GLOD4: variants seen among roughly 807,000 people sequenced by gnomAD.
GLOD4 encodes glyoxalase domain containing 4, also known as glyoxalase domain-containing protein 4.
GLOD4 carries 44 observed loss-of-function variants against 39.1 expected under a neutral mutation model. The ratio of observed to expected loss-of-function variants is 1.13; its 90% CI spans 0.88 to 1.45. The LOEUF is 1.45. Among genes scored for constraint, GLOD4 ranks in the 40% most tolerant of loss-of-function variants. The pLI, the probability that GLOD4 is intolerant of heterozygous loss-of-function variation, is 0.00. For synonymous variants in GLOD4, 145 were observed against 135.0 expected (o/e 1.07, Z -0.52); for missense variants, 405 against 366.4 (o/e 1.11, Z -0.86).
intron 2 of GLOD4, 72 bp from the exon 3 acceptor site, chr17:777,060 G>A (rs1244955639): frequency 1.0e-5 from 15 of 1,432,192 alleles, no homozygotes; most frequent in Admixed American, 1.0e-4. Context: ...GAGAACTACT[G>A]GGCACAGAGA....
chr17:761,508 T>C (rs1905423665), intron 8 of GLOD4, among the ~76,000 whole-genome samples: 1 of 151,282 alleles, frequency 6.6e-6, no homozygotes, highest in Non-Finnish European at 1.5e-5. Context: ...CTAAGAAAGC[T>C]TTTTTTCTTT....
chr17:772,664 C>A lies in GLOD4; in HGVS notation c.407-1203G>T, dbSNP rs994252165. On this transcript the variant is annotated intron_variant, in intron 4 of 8. Transcript: ENST00000301329. The stretch of plus-strand genomic sequence containing the variant: ...TAGGCAAAAGGCACAAAGCAATAAT[C>A]CACAAAACAAGGAATTAGAATGGTC... Among the ~76,000 whole-genome samples the A allele has an allele frequency of 6.6e-5, 10 of 152,168 alleles. No homozygotes were observed. The South Asian group carries it at 2.1e-3, about 32-fold the overall frequency.
intron 4 of GLOD4, among the ~76,000 whole-genome samples, chr17:772,187 GAAAAAAAAA>G (rs58914913): frequency 2.0e-5 from 1 of 50,856 alleles, no homozygotes; most frequent in Non-Finnish European, 3.4e-5. Flanking sequence ...ACCCTATCTC[GAAAAAAAAA>G]AAAAAAAAAA....
intron 3 of GLOD4, 26 bp from the exon 4 acceptor site, chr17:775,945 G>A (rs759803686): frequency 3.0e-5 from 48 of 1,599,324 alleles, no homozygotes; most frequent in Middle Eastern, 3.3e-4. Flanking sequence ...GTACATCCAA[G>A]TACATGATCA....
intron 8 of GLOD4, among the ~76,000 whole-genome samples, chr17:760,870 T>G (rs1185640328): frequency 6.6e-6 from 1 of 152,226 alleles, no homozygotes; most frequent in Non-Finnish European, 1.5e-5. Flanking sequence ...GAGGATCACG[T>G]GAGCTCAGGA....
upstream of GLOD4, chr17:782,731 C>G (rs752895874): frequency 1.9e-6 from 3 of 1,555,640 alleles, no homozygotes; most frequent in African/African-American, 4.1e-5. Context: ...TTCTCGTTTC[C>G]CTTCCCGTCG....
At chr17:771,273 G>C in intron 5 of GLOD4, 52 bp downstream of exon 5, 1 of 1,276,632 alleles carries the variant, frequency 7.8e-7, no homozygotes, top group Non-Finnish European at 1.1e-6. Context: ...TATAAGCTTC[G>C]TTTACAAGCC....
At chr17:771,077 TC>T (rs1388166980) in intron 5 of GLOD4, 1 of 311,196 alleles carries the variant, frequency 3.2e-6, no homozygotes, top group Non-Finnish European at 5.9e-6. Context: ...TTAAATCCAT[TC>T]AATCTCTTGG....
At chr17:774,830 A>T (rs1331220032) in intron 4 of GLOD4, among the ~76,000 whole-genome samples, 3 of 152,170 alleles carry the variant, frequency 2.0e-5, no homozygotes, top group Non-Finnish European at 4.4e-5. Flanking sequence ...GCACTTTGGG[A>T]GGCTGAGGCA....
chr17:762,000 G>T (rs988393820), intron 8 of GLOD4, among the ~76,000 whole-genome samples: 4 of 152,214 alleles, frequency 2.6e-5, no homozygotes, highest in African/African-American at 7.2e-5. Flanking sequence ...AATGTCACAT[G>T]CTCTGTCAGA....
intron 1 of GLOD4, among the ~76,000 whole-genome samples, chr17:779,931 G>A (rs1214585277): frequency 2.0e-5 from 3 of 152,146 alleles, no homozygotes; most frequent in Non-Finnish European, 4.4e-5. Flanking sequence ...TTGGGAGGCC[G>A]AGGTGGGTGG....
intron 8 of GLOD4, among the ~76,000 whole-genome samples, chr17:761,343 A>G (rs2144254999): frequency 6.6e-6 from 1 of 152,348 alleles, no homozygotes; most frequent in East Asian, 1.9e-4. Context: ...ATTTCTAAAA[A>G]ATCTTAGTAC....
At chr17:783,000 CT>C, upstream of GLOD4, 1 of 1,519,692 alleles carries the variant, frequency 6.6e-7, no homozygotes, top group South Asian at 1.3e-5. Context: ...CTCCGTAGCT[CT>C]TTATTTCTGT....
upstream of GLOD4, chr17:782,531 G>A (rs1436408670): frequency 6.2e-7 from 1 of 1,613,650 alleles, no homozygotes; most frequent in Non-Finnish European, 8.5e-7. Flanking sequence ...TGGAACAGAA[G>A]CGCGCTCCTG....
chr17:781,569 T>C (rs1567796887), intron 1 of GLOD4, among the ~76,000 whole-genome samples: 1 of 152,192 alleles, frequency 6.6e-6, no homozygotes, highest in Non-Finnish European at 1.5e-5. Context: ...TAGTGGTGTG[T>C]TCCCTACCTC....
rs764027687 is a variant in GLOD4 at position 770,049 on chromosome 17, C to T, written c.739G>A (p.Asp247Asn). 1.6e-5 allele frequency: 26 copies of T among 1,600,634 alleles called. No homozygotes were observed. Among genetic ancestry groups the T allele is most frequent in the Non-Finnish European group, 1.7e-5 (20 of 1,167,860 alleles). The change falls in exon 7 of 9, where the codon GAC becomes AAC. Residue 247 changes from aspartate to asparagine, a missense_variant. Asp to Asn is a conservative substitution (Grantham distance 23). Transcript: ENST00000301329. ...KATVQVVILA[D>N]PDGHEICFVG... ...CCTGCCTGAGAAATACTTACAGGGT[C>T]GGCCAGAATGACCACCTGTACTGTT...
In GLOD4 at chr17:775,033, G is replaced by T. The variant is rs539413313; in HGVS notation, c.406+742C>A. Among the ~76,000 whole-genome samples the T allele has an allele frequency of 5.3e-5, 8 of 150,764 alleles. No individual in the cohort carries two copies. The East Asian group carries it at 1.4e-3, about 26-fold the overall frequency. The stretch of plus-strand genomic sequence containing the variant: ...GCAAGTGAGCCGAGATTGCAGCACT[G>T]CACTCTAGCCTGGGCGACAGAGCAA... On this transcript the variant is annotated intron_variant, in intron 4 of 8. Coordinates refer to ENST00000301329, the MANE Select transcript of GLOD4 (RefSeq NM_016080.4).
intron 4 of GLOD4, among the ~76,000 whole-genome samples, chr17:772,370 AC>A (rs1908130771): frequency 6.6e-6 from 1 of 152,048 alleles, no homozygotes; most frequent in African/African-American, 2.4e-5. Flanking sequence ...AATACTAGAT[AC>A]AGATGATTAT....
intron 4 of GLOD4, among the ~76,000 whole-genome samples, chr17:772,926 C>T (rs187997696): frequency 9.8e-4 from 149 of 151,336 alleles, no homozygotes; most frequent in African/African-American, 3.3e-3. Context: ...ACCCGGGAGG[C>T]GGAGCTTGCA....
Sources: allele counts gnomAD v4.1 joint callset (sites outside exome capture counted in the v4.1 genomes callset), GRCh38; gene constraint gnomAD v4.1.1; transcripts MANE v1.5; gene names NCBI Gene and HGNC (gene_info 2026-07-23, HGNC 2026-07-21).